CDK19: variants seen among roughly 807,000 people sequenced by gnomAD.
The protein encoded by CDK19 is cyclin dependent kinase 19.
Under a neutral mutation model 68.3 loss-of-function variants are expected in CDK19, and 20 were observed. That is an observed-to-expected ratio of 0.29 (90% confidence interval 0.21 to 0.43). The LOEUF is 0.43. CDK19 is among the 20% of genes least tolerant of loss of function. CDK19 has a pLI of 1.00. For missense variants in CDK19, 339 were observed against 623.5 expected (o/e 0.54, Z 4.86); for synonymous variants, 221 against 222.8 (o/e 0.99, Z 0.07).
intron 2 of CDK19, among the ~76,000 whole-genome samples, chr6:110,685,141 A>T (rs1772361681): frequency 6.6e-6 from 1 of 152,202 alleles, no homozygotes; most frequent in Non-Finnish European, 1.5e-5. Context: ...CTGTCTCAAA[A>T]AAAAAGAAAA....
At chr6:110,646,318 G>A (rs1780571538) in intron 4 of CDK19, 5 of 1,486,172 alleles carry the variant, frequency 3.4e-6, no homozygotes, top group African/African-American at 1.4e-5. Context: ...GACTACCTGC[G>A]CGAACGGGCC....
intron 4 of CDK19, among the ~76,000 whole-genome samples, chr6:110,649,868 G>A (rs986681059): frequency 3.3e-5 from 5 of 152,132 alleles, no homozygotes; most frequent in African/African-American, 7.2e-5. Context: ...CAGAATTCCA[G>A]TACATAGCTG....
intron 1 of CDK19, among the ~76,000 whole-genome samples, chr6:110,751,747 T>C (rs1778489173): frequency 6.6e-6 from 1 of 151,936 alleles, no homozygotes; most frequent in Non-Finnish European, 1.5e-5. Flanking sequence ...ATTCAAATCA[T>C]GAAATCATCA....
chr6:110,664,011 G>GA (rs1781768866), intron 4 of CDK19, among the ~76,000 whole-genome samples: 1 of 151,672 alleles, frequency 6.6e-6, no homozygotes, highest in African/African-American at 2.4e-5. Context: ...TTTTCTAGTG[G>GA]GGGAAAAAAT....
chr6:110,778,598 G>A (rs145994953), intron 1 of CDK19, among the ~76,000 whole-genome samples: 18 of 152,146 alleles, frequency 1.2e-4, no homozygotes, highest in Non-Finnish European at 2.2e-4. Context: ...TGGGTAAATT[G>A]TACTAAATTG....
At chr6:110,728,654 A>G (rs1013446330) in intron 2 of CDK19, among the ~76,000 whole-genome samples, 3 of 151,836 alleles carry the variant, frequency 2.0e-5, no homozygotes, top group African/African-American at 7.3e-5. Context: ...GCTGCATGTG[A>G]CCTGGCCCTG....
chr6:110,793,895 G>A (rs1781757845), intron 1 of CDK19, among the ~76,000 whole-genome samples: 1 of 152,172 alleles, frequency 6.6e-6, no homozygotes. Context: ...TGGCACAACT[G>A]CACCAGCCCA....
chr6:110,614,855 C>G (rs1778210764), intron 12 of CDK19, among the ~76,000 whole-genome samples, 189 bp from the exon 13 acceptor site: 1 of 152,148 alleles, frequency 6.6e-6, no homozygotes, highest in African/African-American at 2.4e-5. Context: ...ACCACTGTAA[C>G]CACACATTCT....
At chr6:110,778,928 C>T (rs1293232460) in intron 1 of CDK19, among the ~76,000 whole-genome samples, 2 of 152,106 alleles carry the variant, frequency 1.3e-5, no homozygotes, top group East Asian at 1.9e-4. Context: ...TGCCAAGGGA[C>T]AGTCAAGCAG....
intron 1 of CDK19, among the ~76,000 whole-genome samples, chr6:110,771,517 C>G (rs1429159671): frequency 6.6e-6 from 1 of 152,200 alleles, no homozygotes; most frequent in Non-Finnish European, 1.5e-5. Flanking sequence ...TCTCCTAGGA[C>G]TCCAGGCCTG....
chr6:110,636,458 T>C (rs1051215405), intron 5 of CDK19, among the ~76,000 whole-genome samples: 1 of 152,026 alleles, frequency 6.6e-6, no homozygotes, highest in Non-Finnish European at 1.5e-5. Flanking sequence ...ACAGCAAAAG[T>C]GGGAGGCAGA....
chr6:110,770,517 C>T (rs555085224), intron 1 of CDK19, among the ~76,000 whole-genome samples: 4 of 152,282 alleles, frequency 2.6e-5, no homozygotes, highest in African/African-American at 7.2e-5. Flanking sequence ...CCCACTGGCT[C>T]CATCCCACAA....
At chr6:110,813,046 G>T (rs576283117) in intron 1 of CDK19, 26 of 142,432 alleles carry the variant, frequency 1.8e-4, no homozygotes, top group South Asian at 6.6e-4. Context: ...ATCCTGAGAG[G>T]TTTTTTTTTT....
chr6:110,726,313 T>C (rs1042963602), intron 2 of CDK19, among the ~76,000 whole-genome samples: 5 of 152,142 alleles, frequency 3.3e-5, no homozygotes, highest in Non-Finnish European at 7.4e-5. Flanking sequence ...AATAAACAGA[T>C]GTTACCAGGT....
intron 2 of CDK19, among the ~76,000 whole-genome samples, chr6:110,740,861 C>T (rs1777607291): frequency 1.3e-5 from 2 of 152,186 alleles, no homozygotes; most frequent in African/African-American, 4.8e-5. Flanking sequence ...CTATCAGTCC[C>T]TCTTAGCCTC....
intron 4 of CDK19, among the ~76,000 whole-genome samples, chr6:110,648,347 G>A (rs1780739521): frequency 6.6e-6 from 1 of 152,014 alleles, no homozygotes; most frequent in Admixed American, 6.5e-5. Flanking sequence ...AGCTTAGCAA[G>A]ATGTCTGGCT....
intron 1 of CDK19, among the ~76,000 whole-genome samples, chr6:110,795,582 T>C (rs897055318): frequency 4.6e-5 from 7 of 152,154 alleles, no homozygotes; most frequent in Non-Finnish European, 1.0e-4. Context: ...GAGAAAACTA[T>C]ATATGAAAAA....
At chr6:110,783,089 C>G (rs1050334256) in intron 1 of CDK19, among the ~76,000 whole-genome samples, 1 of 152,150 alleles carries the variant, frequency 6.6e-6, no homozygotes, top group Non-Finnish European at 1.5e-5. Context: ...TTCTTTCCTT[C>G]TGGTCAGGGT....
At chr6:110,754,582 C>T (rs1172440164) in intron 1 of CDK19, among the ~76,000 whole-genome samples, 1 of 151,534 alleles carries the variant, frequency 6.6e-6, no homozygotes, top group South Asian at 2.1e-4. Flanking sequence ...TGGGTTCAAG[C>T]GATTCTCATG....
Sources: gnomAD v4.1 joint callset for allele counts (sites outside exome capture counted in the v4.1 genomes callset) on GRCh38, gnomAD v4.1.1 for gene constraint, MANE v1.5 for transcripts, NCBI Gene and HGNC (gene_info 2026-07-23, HGNC 2026-07-21) for gene names.